The following BICD2 variants were observed in gnomAD, a reference collection of about 807,000 sequenced individuals.
BICD2 encodes BICD cargo adaptor 2, also known as protein bicaudal D homolog 2.
A neutral mutation model predicts 72.9 loss-of-function variants in BICD2; 25 were observed. The ratio of observed to expected loss-of-function variants is 0.34; its 90% CI spans 0.25 to 0.48. BICD2 has a LOEUF of 0.48. Ranked by LOEUF, BICD2 falls within the 20% of genes least tolerant of loss-of-function variation. BICD2 has a pLI of 0.99. For missense variants in BICD2, 894 were observed against 1,175.2 expected, an observed-to-expected ratio of 0.76 and a Z score of 3.50; for synonymous variants, 501 against 516.1, an observed-to-expected ratio of 0.97 and a Z score of 0.40.
intron 2 of BICD2, among the ~76,000 whole-genome samples, chr9:92,727,938 A>C (rs961975430): frequency 6.6e-6 from 1 of 152,180 alleles, no homozygotes; most frequent in Non-Finnish European, 1.5e-5. Context: ...TAGGAGAATG[A>C]GGCTTTGCTC....
intron 1 of BICD2, among the ~76,000 whole-genome samples, chr9:92,731,777 G>A (rs138701072): frequency 1.7e-3 from 262 of 152,324 alleles, no homozygotes; most frequent in African/African-American, 5.9e-3. Flanking sequence ...AGCTGAAGAA[G>A]TCACTGAAGG....
chr9:92,734,029 G>C (rs894394852), intron 1 of BICD2, among the ~76,000 whole-genome samples: 1 of 151,704 alleles, frequency 6.6e-6, no homozygotes, highest in African/African-American at 2.4e-5. Context: ...GATAAACAGT[G>C]ACTATGTAAC....
rs2131502863 is a variant in BICD2 at position 92,720,881 on chromosome 9, T to C, written c.607-126A>G. 1 of 1,005,264 alleles carries C rather than the reference T, an allele frequency of 9.9e-7. No individual in the cohort carries two copies. Among genetic ancestry groups the C allele is most frequent in the African/African-American group, 1.6e-5 (1 of 61,418 alleles). 62.3% of individuals were successfully genotyped at this position (1,005,264 alleles called of 1,614,324 possible). On this transcript the variant is annotated intron_variant, in intron 3 of 6. Coordinates refer to ENST00000356884, the MANE Select transcript of BICD2 (RefSeq NM_001003800.2). This position sits in a 1 kb window ranked among gnomAD's most constrained non-coding sequence, Gnocchi z 5.4. ...ATGAAGCAAAAGATGAAGCGCCAGG[T>C]GAGGTGCCATCCTGGGAAGGGTGGC...
intron 1 of BICD2, among the ~76,000 whole-genome samples, chr9:92,747,800 G>C (rs532836375): frequency 5.3e-5 from 8 of 152,300 alleles, no homozygotes; most frequent in African/African-American, 1.9e-4. Flanking sequence ...GTGAGTGCAG[G>C]AACGGAGTGA....
intron 1 of BICD2, among the ~76,000 whole-genome samples, chr9:92,730,308 C>T (rs908032388): frequency 3.9e-5 from 6 of 152,086 alleles, no homozygotes; most frequent in African/African-American, 1.4e-4. Flanking sequence ...CTTTGTTTTC[C>T]TAAAAGAGAA....
intron 1 of BICD2, among the ~76,000 whole-genome samples, chr9:92,758,551 C>CAA (rs35074765): frequency 0.2 from 19,356 of 95,508 alleles, 3,065 homozygotes; most frequent in East Asian, 0.74. Flanking sequence ...GACTCCGTCT[C>CAA]AAAAAAAAAA....
At chr9:92,734,550 C>T (rs976901133) in intron 1 of BICD2, among the ~76,000 whole-genome samples, 2 of 150,868 alleles carry the variant, frequency 1.3e-5, no homozygotes, top group Non-Finnish European at 3.0e-5. Context: ...ACAAAATCCA[C>T]CTCCCCCACC....
chr9:92,738,049 C>T (rs145513941), intron 1 of BICD2, among the ~76,000 whole-genome samples: 6 of 152,344 alleles, frequency 3.9e-5, no homozygotes, highest in African/African-American at 7.2e-5. Context: ...GCCCACTTCC[C>T]GGCGGCACAG....
rs1308294564 is a variant in BICD2 at position 92,715,201 on chromosome 9, C to T, written c.2521G>A (p.Ala841Thr). 6.2e-7 allele frequency: 1 copy of T among 1,609,966 alleles called. No individual in the cohort carries two copies. Among genetic ancestry groups the T allele is most frequent in the South Asian group, 1.1e-5 (1 of 90,864 alleles). Reference protein sequence around the residue: ...ASDRAEGTGLANQVFCSEKHS... With the variant: ...ASDRAEGTGLTNQVFCSEKHS... ...TTCTCGCTGCAGAACACCTGGTTGGCCAGCCCGGTGCCCTCGGCCCTGTCG... is the reference window on the plus strand; with the variant it reads ...TTCTCGCTGCAGAACACCTGGTTGGTCAGCCCGGTGCCCTCGGCCCTGTCG... Residue 841 changes from alanine (A) to threonine (T), a missense_variant, in exon 7 of 7, where the codon GCC (alanine) becomes ACC (threonine). Around this residue, in one of 5 missense-constraint regions of BICD2, gnomAD observed 321 missense variants for 443.9 expected, o/e 0.72. Coordinates refer to ENST00000356884, the MANE Select transcript of BICD2 (RefSeq NM_001003800.2).
At chr9:92,736,630 C>T (rs1587680310) in intron 1 of BICD2, among the ~76,000 whole-genome samples, 1 of 152,342 alleles carries the variant, frequency 6.6e-6, no homozygotes, top group East Asian at 1.9e-4. Flanking sequence ...TCTTAATAAA[C>T]TTGCTTTCGC....
intron 1 of BICD2, among the ~76,000 whole-genome samples, chr9:92,755,581 T>C (rs1854238017): frequency 6.6e-6 from 1 of 152,204 alleles, no homozygotes; most frequent in Non-Finnish European, 1.5e-5. Context: ...TCCCTTTATT[T>C]CTCAAGCTGG....
Position 92,729,205 on chromosome 9 carries a change from T to G in BICD2, c.272A>C (p.Lys91Thr). ...CCGGCTCTCTCCGTCAGCAGCCACC[T>G]TCTTGTGGTTTGTGTGTGCTTGTCC... ...AFGQAHTNHK[K>T]VAADGESREE... is the part of the protein sequence containing the mutation. The change falls in exon 2 of 7, where the codon AAG (lysine) becomes ACG (threonine). Residue 91 changes from lysine to threonine, a missense_variant. Lys to Thr is a moderately conservative substitution (Grantham distance 78). This residue lies in a region of BICD2 where 192 missense variants were observed against 243.6 expected (regional missense o/e 0.79). Transcript: ENST00000356884. 1 of 1,614,210 alleles carries G rather than the reference T, an allele frequency of 6.2e-7. No individual in the cohort carries two copies. Among genetic ancestry groups the G allele is most frequent in the Non-Finnish European group, 8.5e-7 (1 of 1,180,052 alleles).
At position 92,720,597 on chromosome 9, in the gene BICD2, GTTC is replaced by G. The variant is rs747084103; in HGVS notation, c.762_764del (p.Lys254del). 3.1e-6 allele frequency: 5 copies of G among 1,614,196 alleles called. No homozygotes were observed. The highest frequency in any genetic ancestry group is 2.2e-5 in the East Asian group (1 of 44,880). The stretch of plus-strand genomic sequence containing the variant: ...AGTGTGACAGCTCCTTGCGCAGGCT[GTTC>G]TTCTGTTCGCGCTCCGTCTTCAGGG... On this transcript the variant is annotated inframe_deletion, in exon 4 of 7. Transcript: ENST00000356884. This position sits in a 1 kb window ranked among gnomAD's most constrained non-coding sequence, Gnocchi z 5.4.
rs1269403221 is a variant in BICD2 at position 92,746,307 on chromosome 9, A to G, written c.241-17071T>C. Among the ~76,000 whole-genome samples, 3 of 152,174 alleles carry G rather than the reference A, an allele frequency of 2.0e-5. No homozygotes were observed. The South Asian group carries it at 6.2e-4, about 31-fold the overall frequency. ...AGCACTTTGGGAGGCTGAGGCAGGC[A>G]GATCACCTGAGGTCAGGAGTTCAAG... On this transcript the variant is annotated intron_variant, in intron 1 of 6. Transcript: ENST00000356884.
chr9:92,728,712 C>A (rs1853617521), intron 2 of BICD2, among the ~76,000 whole-genome samples: 1 of 152,250 alleles, frequency 6.6e-6, no homozygotes, highest in African/African-American at 2.4e-5. Flanking sequence ...TTAGCCTCCA[C>A]AAGGGGCTAA....
Position 92,719,038 on chromosome 9 carries a change from T to C in BICD2, c.1607A>G (p.Asn536Ser). The change falls in exon 5 of 7, where the codon AAT (asparagine) becomes AGT (serine). Residue 536 changes from asparagine to serine, a missense_variant. Physicochemically the swap from Asn to Ser is conservative, Grantham distance 46 (BLOSUM62 1). Transcript: ENST00000356884. ...GCACATGCACACGTGGTGGTAGAGA[T>C]TGGCCAGCTCCTCACTGAAGGTCAC... ...ELVTFSEELA[N>S]LYHHVCMCNN... 2 of 1,612,750 alleles carry C rather than the reference T, an allele frequency of 1.2e-6. No individual in the cohort carries two copies. The highest frequency in any genetic ancestry group is 1.7e-6 in the Non-Finnish European group (2 of 1,179,968).
intron 1 of BICD2, among the ~76,000 whole-genome samples, chr9:92,747,367 G>C (rs1854035897): frequency 6.6e-6 from 1 of 152,188 alleles, no homozygotes; most frequent in Admixed American, 6.5e-5. Context: ...GGCTACACTG[G>C]GAAGCAGGTC....
intron 1 of BICD2, among the ~76,000 whole-genome samples, chr9:92,736,656 C>T (rs958073512): frequency 2.0e-5 from 3 of 152,194 alleles, no homozygotes; most frequent in Non-Finnish European, 1.5e-5. Flanking sequence ...TCTATGGACT[C>T]GCCTTGAATT....
chr9:92,748,405 A>T (rs1343570977), intron 1 of BICD2, among the ~76,000 whole-genome samples: 1 of 152,124 alleles, frequency 6.6e-6, no homozygotes, highest in Non-Finnish European at 1.5e-5. Context: ...GGAAGTGTAA[A>T]CACTCCTGAG....
Sources: allele counts gnomAD v4.1 joint callset (sites outside exome capture counted in the v4.1 genomes callset), GRCh38; gene constraint gnomAD v4.1.1; regional missense constraint gnomAD v4.1.1; non-coding constraint Gnocchi (gnomAD v3.1); transcripts MANE v1.5; gene names NCBI Gene and HGNC (gene_info 2026-07-23, HGNC 2026-07-21).